SMARCD2: variants seen among roughly 807,000 people sequenced by gnomAD.
SMARCD2 encodes the protein SWI/SNF-related matrix-associated actin-dependent regulator of chromatin subfamily D member 2.
Under a neutral mutation model 70.4 loss-of-function variants are expected in SMARCD2, and 39 were observed. The observed-to-expected ratio is 0.55, with a 90% confidence interval of 0.43 to 0.72. SMARCD2 has a LOEUF of 0.72. Among genes scored for constraint, SMARCD2 ranks in the 30% least tolerant of loss-of-function variants. The pLI is 0.00. For synonymous variants in SMARCD2, 249 were observed against 279.4 expected (o/e 0.89, Z 1.08); for missense variants, 540 against 713.4 (o/e 0.76, Z 2.77).
At position 63,837,675 on chromosome 17, in the gene SMARCD2, C is replaced by T. The variant is rs570576529; in HGVS notation, c.217-50G>A. 1.2e-5 allele frequency: 18 copies of T among 1,505,000 alleles called. No individual in the cohort carries two copies. The highest frequency in any genetic ancestry group is 9.3e-5 in the East Asian group (4 of 43,200). 93.2% of individuals were successfully genotyped at this position (1,505,000 alleles called of 1,614,324 possible). Reference sequence around the variant, plus strand: ...TGCATAGGTCAGGGGCAAGGCCCTCCGGGACCCATAGCCCATGCCCTCCAT... The same window carrying T: ...TGCATAGGTCAGGGGCAAGGCCCTCTGGGACCCATAGCCCATGCCCTCCAT... On this transcript the variant is annotated intron_variant, in intron 1 of 12. Transcript: ENST00000448276. The surrounding 1 kb of genome is among the most constrained non-coding windows in gnomAD (Gnocchi z 6.4).
chr17:63,836,909 G>C lies in SMARCD2; in HGVS notation c.567+13C>G. On this transcript the variant is annotated intron_variant, in intron 4 of 12. Transcript: ENST00000448276. ...AACCTGGGAAGGCTAGAGGTGGTCA[G>C]GGCCACACATACTGTCAGAGGCTTT... The C allele has an allele frequency of 6.2e-7, 1 of 1,611,020 alleles. No homozygotes were observed. The highest frequency in any genetic ancestry group is 8.5e-7 in the Non-Finnish European group (1 of 1,177,850).
In SMARCD2 at chr17:63,836,959, C is replaced by T. The variant is rs776464912; in HGVS notation, c.530G>A (p.Arg177Gln). The T allele has an allele frequency of 6.2e-6, 10 of 1,613,810 alleles. No homozygotes were observed. Among genetic ancestry groups the T allele is most frequent in the Admixed American group, 1.7e-5 (1 of 60,010 alleles). ...TTTGATGGCCTCCTGGATCTCCATC[C>T]GCTTGCGAGCAATGGTCTGGTCCAG... ...RKLDQTIARK[R>Q]MEIQEAIKKP... The change falls in exon 4 of 13, where the codon CGG (arginine) becomes CAG (glutamine). Residue 177 changes from arginine (R) to glutamine (Q), a missense_variant. Coordinates refer to ENST00000448276, the MANE Select transcript of SMARCD2 (RefSeq NM_001098426.2).
chr17:63,833,469 G>A lies in SMARCD2; in HGVS notation c.1318-49C>T, dbSNP rs200398659. ...CTGTGCCCCCAAAGCTTACATGCAA[G>A]CAACTGAGCCAGAGTTCCCATCCCG... On this transcript the variant is annotated intron_variant, in intron 10 of 12. Transcript: ENST00000448276. This position sits in a 1 kb window ranked among gnomAD's most constrained non-coding sequence, Gnocchi z 4.3. 2.5e-6 allele frequency: 4 copies of A among 1,610,954 alleles called. No homozygotes were observed. Among genetic ancestry groups the A allele is most frequent in the Admixed American group, 3.3e-5 (2 of 59,888 alleles).
chr17:63,840,454 G>A (rs960668515), intron 1 of SMARCD2, among the ~76,000 whole-genome samples: 2 of 151,856 alleles, frequency 1.3e-5, no homozygotes, highest in Admixed American at 1.3e-4. Context: ...GATTACAGGT[G>A]TGAGCCCACC....
Position 63,837,571 on chromosome 17 carries a change from G to A in SMARCD2, c.271C>T (p.Pro91Ser). Reference protein sequence around the residue: ...RMPMAGLQVGPPAGSPFGAAA... With the variant: ...RMPMAGLQVGSPAGSPFGAAA... ...GCACCAAATGGGGAGCCAGCAGGGGGTCCCACCTGCAAGCCAGCCATGGGC... is the reference window on the plus strand; with the variant it reads ...GCACCAAATGGGGAGCCAGCAGGGGATCCCACCTGCAAGCCAGCCATGGGC... Residue 91 changes from proline to serine, a missense_variant, in exon 2 of 13, where the codon CCC (proline) becomes TCC (serine). By Grantham distance (74) the Pro-to-Ser change is moderately conservative (BLOSUM62 -1). Coordinates refer to ENST00000448276, the MANE Select transcript of SMARCD2 (RefSeq NM_001098426.2). This position sits in a 1 kb window ranked among gnomAD's most constrained non-coding sequence, Gnocchi z 6.4. The A allele has an allele frequency of 6.2e-7, 1 of 1,612,638 alleles. No individual in the cohort carries two copies. Among genetic ancestry groups the A allele is most frequent in the Non-Finnish European group, 8.5e-7 (1 of 1,179,492 alleles).
chr17:63,840,788 G>A (rs1904429463), intron 1 of SMARCD2, among the ~76,000 whole-genome samples: 1 of 152,212 alleles, frequency 6.6e-6, no homozygotes, highest in Non-Finnish European at 1.5e-5. Flanking sequence ...TACCTCTCCT[G>A]CCAGGAGGAG....
chr17:63,832,088 C>A lies in SMARCD2; in HGVS notation c.*850G>T. The A allele has an allele frequency of 2.0e-6, 2 of 1,024,646 alleles. No homozygotes were observed. Among genetic ancestry groups the A allele is most frequent in the Non-Finnish European group, 3.0e-6 (2 of 672,892 alleles). 63.5% of individuals were successfully genotyped at this position (1,024,646 alleles called of 1,614,324 possible). A position where few individuals can be genotyped will look rare whatever the true frequency, so the allele number is the denominator to read the frequency against. ...ACCAGGTCCAGGCACCACCAATAGA[C>A]AAAAGGATTTATTTGGAAATTTCCA... On this transcript the variant is annotated 3_prime_UTR_variant, in exon 13 of 13. Transcript: ENST00000448276.
Position 63,834,130 on chromosome 17 carries a change from C to G in SMARCD2, c.1083+37G>C, listed in dbSNP as rs144564550. On this transcript the variant is annotated intron_variant, in intron 8 of 12. Transcript: ENST00000448276. This position sits in a 1 kb window ranked among gnomAD's most constrained non-coding sequence, Gnocchi z 5.6. ...GAGTAGCCCAGCAGGCAAGGCAAAG[C>G]AAGGGCTGAGAAAACGGGGGCTGGC... The G allele has an allele frequency of 3.1e-6, 5 of 1,607,296 alleles. No homozygotes were observed. Among genetic ancestry groups the G allele is most frequent in the Non-Finnish European group, 4.3e-6 (5 of 1,175,428 alleles).
Position 63,833,564 on chromosome 17 carries a change from A to T in SMARCD2, c.1317+23T>A. 1 of 1,613,888 alleles carries T rather than the reference A, an allele frequency of 6.2e-7. No homozygotes were observed. Among genetic ancestry groups the T allele is most frequent in the Non-Finnish European group, 8.5e-7 (1 of 1,179,824 alleles). On this transcript the variant is annotated intron_variant, in intron 10 of 12. Transcript: ENST00000448276. The surrounding 1 kb of genome is among the most constrained non-coding windows in gnomAD (Gnocchi z 4.3). ...CACCCCAATCCTGGGCCCCAGAGGA[A>T]GCTGTGGAGCCAGAGGGCCCACCTT...
At chr17:63,840,334 TA>T (rs937257822) in intron 1 of SMARCD2, among the ~76,000 whole-genome samples, 5 of 130,504 alleles carry the variant, frequency 3.8e-5, no homozygotes, top group African/African-American at 1.7e-4. Flanking sequence ...CATGCTTGGC[TA>T]AATTTTTTTT....
Position 63,836,972 on chromosome 17 carries a change from T to C in SMARCD2, c.517A>G (p.Ile173Val). The change falls in exon 4 of 13, where the codon ATT (isoleucine) becomes GTT (valine). Residue 173 changes from isoleucine to valine, a missense_variant. Coordinates refer to ENST00000448276, the MANE Select transcript of SMARCD2 (RefSeq NM_001098426.2). Reference sequence around the variant, plus strand: ...TGGATCTCCATCCGCTTGCGAGCAATGGTCTGGTCCAGCTTCCGCTCAAAA... The same window carrying C: ...TGGATCTCCATCCGCTTGCGAGCAACGGTCTGGTCCAGCTTCCGCTCAAAA... ...LAFERKLDQTIARKRMEIQEA... is the reference protein window; with the variant it reads ...LAFERKLDQTVARKRMEIQEA... 1 of 1,613,904 alleles carries C rather than the reference T, an allele frequency of 6.2e-7. No individual in the cohort carries two copies. Among genetic ancestry groups the C allele is most frequent in the East Asian group, 2.2e-5 (1 of 44,884 alleles).
chr17:63,833,002 G>A lies in SMARCD2; in HGVS notation c.1543-11C>T, dbSNP rs1006794093. The A allele has an allele frequency of 5.0e-6, 8 of 1,587,248 alleles. No individual in the cohort carries two copies. Among genetic ancestry groups the A allele is most frequent in the Non-Finnish European group, 6.8e-6 (8 of 1,168,126 alleles). On this transcript the variant is annotated splice_polypyrimidine_tract_variant and intron_variant, in intron 12 of 12. Coordinates refer to ENST00000448276, the MANE Select transcript of SMARCD2 (RefSeq NM_001098426.2). The surrounding 1 kb of genome is among the most constrained non-coding windows in gnomAD (Gnocchi z 4.3). ...CCTTCGCTGCTGCACCTGGAGAAGG[G>A]AGAAACCAAGTGGCTCAGGCCTTTG...
intron 4 of SMARCD2, among the ~76,000 whole-genome samples, chr17:63,835,866 C>A (rs1298303336): frequency 3.9e-5 from 6 of 152,058 alleles, no homozygotes; most frequent in African/African-American, 1.4e-4. Context: ...GTAGCTGGGA[C>A]TACAGGTGCG....
chr17:63,836,009 G>A (rs1462018676), intron 4 of SMARCD2, among the ~76,000 whole-genome samples: 1 of 152,082 alleles, frequency 6.6e-6, no homozygotes, highest in Non-Finnish European at 1.5e-5. Context: ...GATTACAGGT[G>A]TGAGCCACCG....
At position 63,833,704 on chromosome 17, in the gene SMARCD2, C is replaced by G; in HGVS notation, c.1200G>C (p.Gln400His). Residue 400 changes from glutamine to histidine, a missense_variant, in exon 10 of 13, where the codon CAG becomes CAC. Transcript: ENST00000448276. This position sits in a 1 kb window ranked among gnomAD's most constrained non-coding sequence, Gnocchi z 4.3. ...CGATGTCGTAACAGGCTGTCTTCTT[C>G]TGGTCGTTAGGGTCGACACTGCAGG... ...NHVISVDPNDQKKTACYDIDV... is the reference protein window; with the variant it reads ...NHVISVDPNDHKKTACYDIDV... 5.0e-6 allele frequency: 8 copies of G among 1,613,990 alleles called. No individual in the cohort carries two copies. Among genetic ancestry groups the G allele is most frequent in the Non-Finnish European group, 6.8e-6 (8 of 1,179,880 alleles).
At chr17:63,838,268 G>A (rs564143267) in intron 1 of SMARCD2, among the ~76,000 whole-genome samples, 4 of 152,098 alleles carry the variant, frequency 2.6e-5, no homozygotes, top group East Asian at 1.9e-4. Flanking sequence ...CCTGTACCCT[G>A]TAGTCTGGTA....
At chr17:63,840,046 T>C (rs1017949115) in intron 1 of SMARCD2, among the ~76,000 whole-genome samples, 1 of 152,048 alleles carries the variant, frequency 6.6e-6, no homozygotes, top group African/African-American at 2.4e-5. Context: ...AGAGGATTGT[T>C]TGAACCTGGG....
chr17:63,840,884 C>T (rs1305156411), intron 1 of SMARCD2, among the ~76,000 whole-genome samples: 1 of 152,262 alleles, frequency 6.6e-6, no homozygotes, highest in Non-Finnish European at 1.5e-5. Flanking sequence ...AGCCAGCCAG[C>T]TTGGCCTTGC....
In SMARCD2 at chr17:63,834,032, G is replaced by A. The variant is rs73335683; in HGVS notation, c.1084-26C>T. Reference sequence around the variant, plus strand: ...CTGGAGGAAATACGAAAGGCTCAGCGTTGGCTTGTGGGCACAGTGGAGTGG... The same window carrying A: ...CTGGAGGAAATACGAAAGGCTCAGCATTGGCTTGTGGGCACAGTGGAGTGG... On this transcript the variant is annotated intron_variant, in intron 8 of 12. Transcript: ENST00000448276. This position sits in a 1 kb window ranked among gnomAD's most constrained non-coding sequence, Gnocchi z 5.6. 5,052 of 1,605,042 alleles carry A rather than the reference G, an allele frequency of 3.1e-3. 135 individuals carry two copies. The African/African-American group carries it at 0.059, about 19-fold the overall frequency.
Sources: allele counts gnomAD v4.1 joint callset (sites outside exome capture counted in the v4.1 genomes callset), GRCh38; gene constraint gnomAD v4.1.1; non-coding constraint Gnocchi (gnomAD v3.1); transcripts MANE v1.5; gene names NCBI Gene and HGNC (gene_info 2026-07-23, HGNC 2026-07-21).